Variants in ZNF275 observed in about 807,000 individuals in gnomAD.
ZNF275 encodes zinc finger protein 275.
Under a neutral mutation model 4.3 loss-of-function variants are expected in ZNF275, and 4 were observed. The ratio of observed to expected loss-of-function variants is 0.93; its 90% confidence interval spans 0.46 to 2.13. ZNF275 has a LOEUF of 2.13. Ranked by LOEUF, ZNF275 falls within the 30% of genes most tolerant of loss-of-function variation. ZNF275 has a pLI of 0.02. For synonymous variants in ZNF275, 173 were observed against 166.9 expected, an observed-to-expected ratio of 1.04 and a Z score of -0.28; for missense variants, 352 against 397.1, an observed-to-expected ratio of 0.89 and a Z score of 0.97.
Position 153,347,056 on chromosome X carries a change from G to A in ZNF275, c.371G>A (p.Ser124Asn). The change falls in exon 4 of 4, where the codon AGT (serine) becomes AAT (asparagine). Residue 124 changes from serine (S) to asparagine (N), a missense_variant. By Grantham distance (46) the Ser-to-Asn change is conservative (BLOSUM62 1). Coordinates refer to ENST00000650114, the MANE Select transcript of ZNF275 (RefSeq NM_001367757.1). The stretch of plus-strand genomic sequence containing the variant: ...CTTGTCCAGCACCAGAGAGTCCACA[G>A]TGAGGAGAAGGGCTGGGAATGTGGC... ...VLLVQHQRVH[S>N]EEKGWECGDC... 1 of 1,211,732 alleles carries A rather than the reference G, an allele frequency of 8.3e-7. No individual in the cohort carries two copies. Among genetic ancestry groups the A allele is most frequent in the Non-Finnish European group, 1.1e-6 (1 of 895,453 alleles).
At position 153,351,905 on chromosome X, in the gene ZNF275, C is replaced by G. The variant is rs2088558804; in HGVS notation, c.*3930C>G. The G allele has an allele frequency of 2.7e-5, 3 of 111,910 alleles. No homozygotes were observed. In the Admixed American group the frequency reaches 2.8e-4, roughly 11 times the overall value. 9.2% of individuals were successfully genotyped at this position (111,910 alleles called of 1,213,427 possible). A position where few individuals can be genotyped will look rare whatever the true frequency, so the allele number is the denominator to read the frequency against. ...CTGTTGCGTACCATGTGATTTGCCACCCCGCTTCTAGGCCATATTAATTCA... is the reference window on the plus strand; with the variant it reads ...CTGTTGCGTACCATGTGATTTGCCAGCCCGCTTCTAGGCCATATTAATTCA... On this transcript the variant is annotated 3_prime_UTR_variant, in exon 4 of 4. Coordinates refer to ENST00000650114, the MANE Select transcript of ZNF275 (RefSeq NM_001367757.1).
intron 1 of ZNF275, among the ~76,000 whole-genome samples, chrX:153,335,949 A>G (rs1036602039): frequency 5.4e-5 from 6 of 111,359 alleles, no homozygotes; most frequent in Non-Finnish European, 1.1e-4. Context: ...GGCTCTTTGC[A>G]ATTTGCATAG....
At chrX:153,336,803 A>AGTAT (rs1223692476) in intron 2 of ZNF275, 93 bp downstream of exon 2, 1 of 978,477 alleles carries the variant, frequency 1.0e-6, no homozygotes, top group Non-Finnish European at 1.4e-6. Context: ...CATGGTGAGG[A>AGTAT]GTATCGTTTT....
Position 153,346,914 on chromosome X carries a change from C to T in ZNF275, c.229C>T (p.Pro77Ser), listed in dbSNP as rs868924470. Residue 77 changes from proline (P) to serine (S), a missense_variant, in exon 4 of 4, where the codon CCT becomes TCT. Coordinates refer to ENST00000650114, the MANE Select transcript of ZNF275 (RefSeq NM_001367757.1). Reference protein sequence around the residue: ...TSFPRASGPSPEFRQHGDSDG... With the variant: ...TSFPRASGPSSEFRQHGDSDG... ...CTTCCCAAGGGCCAGTGGTCCCAGT[C>T]CTGAATTCAGACAGCACGGGGACTC... 8.3e-7 allele frequency: 1 copy of T among 1,211,511 alleles called. No homozygotes were observed. The highest frequency in any genetic ancestry group is 1.1e-6 in the Non-Finnish European group (1 of 895,322).
chrX:153,347,573 C>T lies in ZNF275; in HGVS notation c.888C>T (p.Pro296=), dbSNP rs111731195. 1.6e-3 allele frequency: 1,914 copies of T among 1,189,857 alleles called. 20 individuals are homozygous for T. In the African/African-American group the frequency reaches 0.028, roughly 18 times the overall value. The change falls in exon 4 of 4, where the codon CCC becomes CCT. Residue 296 remains proline, a synonymous_variant. Transcript: ENST00000650114. ...GTGGGGCCAAGCCATACGGGTGTCC[C>T]CACTGCGGCAAGCTCTTCCGAAGGA... is the stretch of plus-strand genomic sequence containing the variant. The part of the protein sequence containing the change: ...IHSGAKPYGC[P]HCGKLFRRSS...
At chrX:153,343,995 C>T (rs2088495487) in intron 2 of ZNF275, among the ~76,000 whole-genome samples, 1 of 112,071 alleles carries the variant, frequency 8.9e-6, no homozygotes, top group African/African-American at 3.3e-5. Flanking sequence ...CCTGGCTTGT[C>T]ATTCAGCCAG....
chrX:153,348,124 A>G lies in ZNF275; in HGVS notation c.*149A>G, dbSNP rs2088533082. 2.0e-6 allele frequency: 1 copy of G among 489,233 alleles called. No individual in the cohort carries two copies. Among genetic ancestry groups the G allele is most frequent in the African/African-American group, 2.4e-5 (1 of 40,927 alleles). The allele number at this position is 489,233 out of a possible 1,213,427, so 40.3% of individuals were successfully genotyped here. Reference sequence around the variant, plus strand: ...CTGCCACCAGCAATTTATAAGTGTTACGTTATGCCCATCAAGAGTAGCTTG... The same window carrying G: ...CTGCCACCAGCAATTTATAAGTGTTGCGTTATGCCCATCAAGAGTAGCTTG... On this transcript the variant is annotated 3_prime_UTR_variant, in exon 4 of 4. Transcript: ENST00000650114.
rs2088556480 is a variant in ZNF275, at chrX:153,351,528, G to T, written c.*3553G>T. 1 of 110,749 alleles carries T rather than the reference G, an allele frequency of 9.0e-6. No individual in the cohort carries two copies. Among genetic ancestry groups the T allele is most frequent in the African/African-American group, 3.3e-5 (1 of 29,893 alleles). The allele number at this position is 110,749 out of a possible 1,213,427, so 9.1% of individuals were successfully genotyped here. On this transcript the variant is annotated 3_prime_UTR_variant, in exon 4 of 4. Coordinates refer to ENST00000650114, the MANE Select transcript of ZNF275 (RefSeq NM_001367757.1). ...GGGTTTCCACGCACGTGCATGAGATGTTCCTCCTTCAAACCTTGTTACTAT... is the reference window on the plus strand; with the variant it reads ...GGGTTTCCACGCACGTGCATGAGATTTTCCTCCTTCAAACCTTGTTACTAT...
intron 2 of ZNF275, among the ~76,000 whole-genome samples, chrX:153,341,040 CTCTT>C (rs1213396601): frequency 4.5e-5 from 5 of 112,170 alleles, no homozygotes; most frequent in Non-Finnish European, 9.4e-5. Flanking sequence ...ATTTTTTAGA[CTCTT>C]TCTGTTGGTT....
At chrX:153,345,479 C>T (rs1556961433) in intron 2 of ZNF275, 41 bp from the exon 3 acceptor site, 2 of 1,086,147 alleles carry the variant, frequency 1.8e-6, no homozygotes, top group African/African-American at 1.8e-5. Flanking sequence ...CTCATGTCAT[C>T]TCTGGCTGTT....
chrX:153,337,781 A>G (rs1178797766), intron 2 of ZNF275, among the ~76,000 whole-genome samples: 1 of 112,083 alleles, frequency 8.9e-6, no homozygotes, highest in Non-Finnish European at 1.9e-5. Flanking sequence ...CTGGGAGTTT[A>G]TAGTCTTTAG....
rs1556960617 is a variant in ZNF275 at position 153,336,691 on chromosome X, T to G, written c.12T>G (p.His4Gln). 2 of 1,167,726 alleles carry G rather than the reference T, an allele frequency of 1.7e-6. No individual in the cohort carries two copies. The highest frequency in any genetic ancestry group is 3.8e-5 in the South Asian group (2 of 52,671). MMSHPCVSLLGVPV... is the reference protein window; with the variant it reads MMSQPCVSLLGVPV... ...AGTAGTTCTGAGGCATGATGAGTCATCCGTGTGTGTCTCTTTTGGGTAAGT... is the reference window on the plus strand; with the variant it reads ...AGTAGTTCTGAGGCATGATGAGTCAGCCGTGTGTGTCTCTTTTGGGTAAGT... Residue 4 changes from histidine to glutamine, a missense_variant, in exon 2 of 4, where the codon CAT becomes CAG. Physicochemically the swap from His to Gln is conservative, Grantham distance 24 (BLOSUM62 0). Transcript: ENST00000650114.
At position 153,348,016 on chromosome X, in the gene ZNF275, G is replaced by C. The variant is rs1376601550; in HGVS notation, c.*41G>C. 3 of 1,071,951 alleles carry C rather than the reference G, an allele frequency of 2.8e-6. No homozygotes were observed. In the African/African-American group the frequency reaches 5.7e-5, roughly 20 times the overall value. 88.3% of individuals were successfully genotyped at this position (1,071,951 alleles called of 1,213,427 possible). On this transcript the variant is annotated 3_prime_UTR_variant, in exon 4 of 4. Transcript: ENST00000650114. ...CCGCGGGACAGGGACGGAGTCCCCA[G>C]AGGGGATGGCAGAGTCAAAGGAGAT...
intron 2 of ZNF275, among the ~76,000 whole-genome samples, chrX:153,337,012 C>A (rs984354135): frequency 9.0e-6 from 1 of 111,250 alleles, no homozygotes; most frequent in Admixed American, 9.5e-5. Flanking sequence ...TGAGTGGAAA[C>A]CTTTGAAGAC....
In ZNF275 at chrX:153,347,151, C is replaced by A. The variant is rs2124215308; in HGVS notation, c.466C>A (p.Pro156Thr). 8.3e-7 allele frequency: 1 copy of A among 1,207,777 alleles called. No homozygotes were observed. The highest frequency in any genetic ancestry group is 3.0e-5 in the East Asian group (1 of 33,680). ...EHRKSHVAAE[P>T]QPGPSRALEN... ...CAGGAAAAGCCACGTAGCTGCGGAGCCCCAGCCCGGCCCCAGTAGGGCCCT... is the reference window on the plus strand; with the variant it reads ...CAGGAAAAGCCACGTAGCTGCGGAGACCCAGCCCGGCCCCAGTAGGGCCCT... Residue 156 changes from proline to threonine, a missense_variant, in exon 4 of 4, where the codon CCC becomes ACC. By Grantham distance (38) the Pro-to-Thr change is conservative. Transcript: ENST00000650114.
At position 153,347,401 on chromosome X, in the gene ZNF275, G is replaced by A. The variant is rs1307094851; in HGVS notation, c.716G>A (p.Cys239Tyr). Residue 239 changes from cysteine to tyrosine, a missense_variant, in exon 4 of 4, where the codon TGC (cysteine) becomes TAC (tyrosine). By Grantham distance (194) the Cys-to-Tyr change is radical. Coordinates refer to ENST00000650114, the MANE Select transcript of ZNF275 (RefSeq NM_001367757.1). The stretch of plus-strand genomic sequence containing the variant: ...CACACTTCGGAAAAGCCTTTCGCCT[G>A]CAAGGCGTGCAGCAGGGATTTCCTG... ...KLHTSEKPFA[C>Y]KACSRDFLDR... The A allele has an allele frequency of 4.1e-6, 5 of 1,212,137 alleles. No homozygotes were observed. The highest frequency in any genetic ancestry group is 5.6e-6 in the Non-Finnish European group (5 of 895,505).
chrX:153,336,809 G>C (rs1451351488), intron 2 of ZNF275, 99 bp downstream of exon 2: 27 of 929,582 alleles, frequency 2.9e-5, no homozygotes, highest in Non-Finnish European at 3.9e-5. Context: ...GAGGAGTATC[G>C]TTTTGGTTCC....
chrX:153,345,423 GA>G, intron 2 of ZNF275, 96 bp from the exon 3 acceptor site: 1 of 608,794 alleles, frequency 1.6e-6, no homozygotes, highest in Non-Finnish European at 2.6e-6. Context: ...TTTGAAGATT[GA>G]AGGGGGTTCC....
chrX:153,340,489 A>T (rs1293484224), intron 2 of ZNF275, among the ~76,000 whole-genome samples: 3 of 111,765 alleles, frequency 2.7e-5, no homozygotes, highest in Admixed American at 1.9e-4. Flanking sequence ...CTCCCCATTG[A>T]CTCCTTGGCC....
Sources: allele counts gnomAD v4.1 joint callset (sites outside exome capture counted in the v4.1 genomes callset), GRCh38; gene constraint gnomAD v4.1.1; transcripts MANE v1.5; gene names NCBI Gene and HGNC (gene_info 2026-07-23, HGNC 2026-07-21).